PAK5: variants seen among roughly 807,000 people sequenced by gnomAD.
PAK5 encodes p21 (RAC1) activated kinase 5, also known as serine/threonine-protein kinase PAK 5.
In PAK5, 16 loss-of-function variants were observed where a neutral mutation model predicts 65.9. That is an observed-to-expected ratio of 0.24 (90% CI 0.16 to 0.37). PAK5 has a LOEUF of 0.37. PAK5 is among the 10% of genes least tolerant of loss of function. The pLI is 1.00. For synonymous variants in PAK5, 371 were observed against 354.9 expected, an observed-to-expected ratio of 1.05 and a Z score of -0.51; for missense variants, 785 against 903.9, an observed-to-expected ratio of 0.87 and a Z score of 1.69.
chr20:9,722,954 C>A (rs940064375), intron 1 of PAK5, among the ~76,000 whole-genome samples: 1 of 152,006 alleles, frequency 6.6e-6, no homozygotes, highest in African/African-American at 2.4e-5. Context: ...TGGTCTTGAA[C>A]CCCTGACCTC....
intron 8 of PAK5, among the ~76,000 whole-genome samples, chr20:9,543,598 C>T (rs142610751): frequency 2.0e-5 from 3 of 152,260 alleles, no homozygotes; most frequent in African/African-American, 4.8e-5. Flanking sequence ...CCTTAGCTCA[C>T]GGCCATGTCT....
chr20:9,591,097 G>C (rs940193203), intron 3 of PAK5, among the ~76,000 whole-genome samples: 5 of 152,162 alleles, frequency 3.3e-5, no homozygotes, highest in Non-Finnish European at 2.9e-5. Flanking sequence ...CTTGCTGTGT[G>C]CCAAGATGAT....
At chr20:9,561,073 C>T (rs2045583260) in intron 6 of PAK5, among the ~76,000 whole-genome samples, 1 of 152,306 alleles carries the variant, frequency 6.6e-6, no homozygotes, top group Non-Finnish European at 1.5e-5. Context: ...AAAGGAAGCT[C>T]TCTGAATTCT....
At chr20:9,795,670 A>C (rs2049096580) in intron 1 of PAK5, among the ~76,000 whole-genome samples, 1 of 152,142 alleles carries the variant, frequency 6.6e-6, no homozygotes, top group South Asian at 2.1e-4. Flanking sequence ...CTTTTGAAGG[A>C]GGATGTTATA....
At chr20:9,821,336 ATGCCACTGCACTC>A (rs1019578565) in intron 1 of PAK5, among the ~76,000 whole-genome samples, 42 of 152,206 alleles carry the variant, frequency 2.8e-4, no homozygotes, top group African/African-American at 8.9e-4. Flanking sequence ...AGCCAAGATC[ATGCCACTGCACTC>A]CAGCCTGGGC....
intron 2 of PAK5, among the ~76,000 whole-genome samples, chr20:9,666,488 G>T (rs1433172195): frequency 8.3e-5 from 12 of 144,878 alleles, no homozygotes; most frequent in Admixed American, 8.2e-4. Flanking sequence ...AAAACAAAAA[G>T]CAAAACCAAG....
intron 1 of PAK5, among the ~76,000 whole-genome samples, chr20:9,723,365 G>C (rs1330558557): frequency 6.6e-6 from 1 of 152,272 alleles, no homozygotes; most frequent in Admixed American, 6.5e-5. Flanking sequence ...TGAGCATCAA[G>C]ATGGATAGGA....
chr20:9,719,287 A>G (rs997937222), intron 1 of PAK5, among the ~76,000 whole-genome samples: 1 of 152,230 alleles, frequency 6.6e-6, no homozygotes, highest in East Asian at 1.9e-4. Context: ...AATCCTCTCT[A>G]GAGAAAATTC....
intron 4 of PAK5, among the ~76,000 whole-genome samples, chr20:9,574,378 C>CT (rs1404019826): frequency 3.3e-5 from 5 of 152,174 alleles, no homozygotes; most frequent in African/African-American, 1.2e-4. Context: ...CAATTAACCC[C>CT]CCACAGTTGC....
chr20:9,598,174 T>A (rs1360580342), intron 3 of PAK5, among the ~76,000 whole-genome samples: 2 of 152,194 alleles, frequency 1.3e-5, no homozygotes, highest in African/African-American at 4.8e-5. Context: ...GTTTTCTCAT[T>A]GTTCAGCTCC....
Position 9,753,891 on chromosome 20 carries a change from C to A in PAK5, c.-161-42456G>T, listed in dbSNP as rs1381566766. 2.6e-5 allele frequency among the ~76,000 whole-genome samples: 4 copies of A among 152,106 alleles called. No homozygotes were observed. The East Asian group carries it at 7.7e-4, about 29-fold the overall frequency. On this transcript the variant is annotated intron_variant, in intron 1 of 9. Transcript: ENST00000353224. ...GCTGAGGCTAGACTTCACCTGAGCC[C>A]TTATTTTGTGCTTGGCTTCTCCTCC...
chr20:9,767,632 C>T (rs1569079951), intron 1 of PAK5, among the ~76,000 whole-genome samples: 1 of 152,124 alleles, frequency 6.6e-6, no homozygotes, highest in Non-Finnish European at 1.5e-5. Flanking sequence ...AATATTTAAG[C>T]TTTCTGTAGA....
In PAK5 at chr20:9,809,067, T is replaced by C. The variant is rs575613700; in HGVS notation, c.-162+29695A>G. Among the ~76,000 whole-genome samples, 7 of 152,292 alleles carry C rather than the reference T, an allele frequency of 4.6e-5. No homozygotes were observed. In the East Asian group the frequency reaches 1.3e-3, roughly 29 times the overall value. ...ATTTTTTATGTGATGAAATTGCTTA[T>C]AATTTTGTTTAGATGCTACTTCTGG... is the stretch of plus-strand genomic sequence containing the variant. On this transcript the variant is annotated intron_variant, in intron 1 of 9. Coordinates refer to ENST00000353224, the MANE Select transcript of PAK5 (RefSeq NM_177990.4).
chr20:9,610,543 G>C (rs904390375), intron 3 of PAK5, among the ~76,000 whole-genome samples: 2 of 152,152 alleles, frequency 1.3e-5, no homozygotes, highest in African/African-American at 4.8e-5. Context: ...AGCAAACAAG[G>C]GATGTACCTG....
rs142165099 is a variant in PAK5, at chr20:9,654,970, G to T, written c.-11-10631C>A. Among the ~76,000 whole-genome samples, 242 of 152,240 alleles carry T rather than the reference G, an allele frequency of 1.6e-3. 3 individuals are homozygous for T. Among genetic ancestry groups the T allele is most frequent in the African/African-American group, 5.4e-3 (223 of 41,546 alleles). Reference sequence around the variant, plus strand: ...ACAGTTCCTTGTCTATTGGGCTACAGAAATTATTTCAAATTACAGACATGC... The same window carrying T: ...ACAGTTCCTTGTCTATTGGGCTACATAAATTATTTCAAATTACAGACATGC... On this transcript the variant is annotated intron_variant, in intron 2 of 9. Coordinates refer to ENST00000353224, the MANE Select transcript of PAK5 (RefSeq NM_177990.4).
intron 1 of PAK5, among the ~76,000 whole-genome samples, chr20:9,822,535 C>T (rs1327266767): frequency 6.6e-6 from 1 of 152,146 alleles, no homozygotes; most frequent in African/African-American, 2.4e-5. Context: ...TGGCTCAATG[C>T]TCTTTTACCC....
At chr20:9,769,568 C>G (rs1304389643) in intron 1 of PAK5, among the ~76,000 whole-genome samples, 6 of 152,212 alleles carry the variant, frequency 3.9e-5, no homozygotes, top group Non-Finnish European at 8.8e-5. Flanking sequence ...CTCTTCCCCT[C>G]AAAATTGAAT....
intron 2 of PAK5, among the ~76,000 whole-genome samples, chr20:9,651,647 A>C (rs2047204518): frequency 6.6e-6 from 1 of 152,208 alleles, no homozygotes; most frequent in Admixed American, 6.5e-5. Context: ...TATATTTCAT[A>C]ATAATAATAG....
chr20:9,822,581 T>C (rs2049435044), intron 1 of PAK5, among the ~76,000 whole-genome samples: 2 of 152,302 alleles, frequency 1.3e-5, no homozygotes, highest in South Asian at 4.1e-4. Context: ...CACTAATAAA[T>C]TGCCCAATCA....
Sources: allele counts gnomAD v4.1 joint callset (sites outside exome capture counted in the v4.1 genomes callset), GRCh38; gene constraint gnomAD v4.1.1; transcripts MANE v1.5; gene names NCBI Gene and HGNC (gene_info 2026-07-23, HGNC 2026-07-21).